NT5DC3: variants seen among roughly 807,000 people sequenced by gnomAD.
The protein encoded by NT5DC3 is 5'-nucleotidase domain-containing protein 3.
In NT5DC3, 42 loss-of-function variants were observed where a neutral mutation model predicts 67.8. The observed-to-expected ratio is 0.62, with a 90% CI of 0.48 to 0.80. NT5DC3 has a LOEUF of 0.80. NT5DC3 is among the 30% of genes least tolerant of loss of function. NT5DC3 has a pLI of 0.00. For synonymous variants in NT5DC3, 237 were observed against 255.6 expected, an observed-to-expected ratio of 0.93 and a Z score of 0.69; for missense variants, 570 against 696.4, an observed-to-expected ratio of 0.82 and a Z score of 2.04.
At chr12:103,835,711 C>T (rs1255068813) in intron 1 of NT5DC3, among the ~76,000 whole-genome samples, 1 of 152,178 alleles carries the variant, frequency 6.6e-6, no homozygotes, top group Non-Finnish European at 1.5e-5. Context: ...AATCCCATAT[C>T]GCAATGGAGG....
intron 1 of NT5DC3, among the ~76,000 whole-genome samples, chr12:103,834,132 T>C (rs1479895279): frequency 6.6e-6 from 1 of 152,008 alleles, no homozygotes; most frequent in African/African-American, 2.4e-5. Context: ...TCTCCAGGCA[T>C]TGCCAAACAT....
At chr12:103,763,454 G>C in the NT5DC3 span, 1 of 1,597,034 alleles carries the variant, frequency 6.3e-7, no homozygotes, top group South Asian at 1.1e-5. Flanking sequence ...TCCTGCTTTG[G>C]GGATGCTCCT....
At chr12:103,755,456 A>G in the NT5DC3 span, 4 of 1,613,864 alleles carry the variant, frequency 2.5e-6, no homozygotes, top group East Asian at 4.5e-5. Flanking sequence ...GTCTTCTGCT[A>G]TCGGATGAAA....
At chr12:103,834,774 C>T (rs1343185657) in intron 1 of NT5DC3, among the ~76,000 whole-genome samples, 1 of 152,052 alleles carries the variant, frequency 6.6e-6, no homozygotes, top group Non-Finnish European at 1.5e-5. Flanking sequence ...GCATCCTTTC[C>T]CTGTGCAGGC....
intron 9 of NT5DC3, among the ~76,000 whole-genome samples, chr12:103,789,816 C>T (rs1462289057): frequency 6.6e-6 from 1 of 152,020 alleles, no homozygotes; most frequent in Non-Finnish European, 1.5e-5. Flanking sequence ...ATAAGTGTCA[C>T]CCTAAAAAAA....
chr12:103,785,578 T>C lies in NT5DC3; in HGVS notation c.1189-103A>G, dbSNP rs958724903. 5 of 1,158,858 alleles carry C rather than the reference T, an allele frequency of 4.3e-6. No individual in the cohort carries two copies. In the African/African-American group the frequency reaches 7.6e-5, roughly 18 times the overall value. 71.8% of individuals were successfully genotyped at this position (1,158,858 alleles called of 1,614,324 possible). A position where few individuals can be genotyped will look rare whatever the true frequency, so the allele number is the denominator to read the frequency against. ...AGGCATTCATTTAATTACTTTTTGA[T>C]GGTAATGGTTAGTTATTCACCAAGC... On this transcript the variant is annotated intron_variant, in intron 11 of 13. Coordinates refer to ENST00000392876, the MANE Select transcript of NT5DC3 (RefSeq NM_001031701.3).
intron 4 of NT5DC3, among the ~76,000 whole-genome samples, chr12:103,800,153 A>G (rs142264913): frequency 6.6e-6 from 1 of 152,352 alleles, no homozygotes; most frequent in East Asian, 1.9e-4. Context: ...TTATGTTTTG[A>G]TATGTAACGT....
At chr12:103,831,563 CA>C (rs1438698004) in intron 1 of NT5DC3, among the ~76,000 whole-genome samples, 1 of 151,920 alleles carries the variant, frequency 6.6e-6, no homozygotes, top group Non-Finnish European at 1.5e-5. Flanking sequence ...GAGCAAAGAC[CA>C]AAAGAGAGAA....
At chr12:103,757,822 C>A in the NT5DC3 span, 1 of 263,090 alleles carries the variant, frequency 3.8e-6, no homozygotes, top group Non-Finnish European at 7.6e-6. Context: ...CTTTGGGCCT[C>A]GTGAGCTGTT....
chr12:103,753,458 G>A, the NT5DC3 span: 1 of 1,495,724 alleles, frequency 6.7e-7, no homozygotes, highest in East Asian at 2.3e-5. Context: ...TCAAGCAAGG[G>A]AGTGCAGGTA....
intron 11 of NT5DC3, among the ~76,000 whole-genome samples, chr12:103,786,030 T>A (rs1885756964): frequency 6.6e-6 from 1 of 152,102 alleles, no homozygotes; most frequent in South Asian, 2.1e-4. Flanking sequence ...CATATAGTCA[T>A]CATACTAAAT....
intron 1 of NT5DC3, among the ~76,000 whole-genome samples, chr12:103,830,513 GT>G (rs1479655128): frequency 6.6e-6 from 1 of 152,088 alleles, no homozygotes. Flanking sequence ...TTAGACATAT[GT>G]TTGACCTCTC....
chr12:103,757,965 T>C, the NT5DC3 span: 1 of 684,156 alleles, frequency 1.5e-6, no homozygotes. Flanking sequence ...CGTGGCTGTG[T>C]CTTAAACCAT....
chr12:103,780,810 G>A (rs1410803424), intron 12 of NT5DC3, among the ~76,000 whole-genome samples: 3 of 152,010 alleles, frequency 2.0e-5, no homozygotes, highest in Admixed American at 2.0e-4. Flanking sequence ...GTGTACAAAC[G>A]TTATAGTTAA....
Position 103,793,267 on chromosome 12 carries a change from T to A in NT5DC3, c.918-2A>T, listed in dbSNP as rs1886147437. 1 of 1,605,356 alleles carries A rather than the reference T, an allele frequency of 6.2e-7. No individual in the cohort carries two copies. Among genetic ancestry groups the A allele is most frequent in the Non-Finnish European group, 8.5e-7 (1 of 1,173,758 alleles). On this transcript the variant is annotated splice_acceptor_variant, in intron 8 of 13. Coordinates refer to ENST00000392876, the MANE Select transcript of NT5DC3 (RefSeq NM_001031701.3). LOFTEE classifies it high-confidence loss of function. ...ACGATATAACTCATCCCTTTGTCCC[T>A]AGGGCAACAAGTCAGCCAGGTTAGT...
chr12:103,807,862 A>G (rs1157447802), intron 2 of NT5DC3, among the ~76,000 whole-genome samples: 1 of 152,176 alleles, frequency 6.6e-6, no homozygotes, highest in East Asian at 1.9e-4. Context: ...CCAATGTAAG[A>G]TGTGCCTTTC....
intron 4 of NT5DC3, among the ~76,000 whole-genome samples, chr12:103,800,890 A>G (rs1886543225): frequency 6.6e-6 from 1 of 152,222 alleles, no homozygotes; most frequent in South Asian, 2.1e-4. Flanking sequence ...CTTAAAGCAG[A>G]GAACTATAAA....
chr12:103,761,979 T>C, the NT5DC3 span, among the ~76,000 whole-genome samples: 1 of 151,948 alleles, frequency 6.6e-6, no homozygotes, highest in East Asian at 1.9e-4. Context: ...CAGACTGGGT[T>C]CAAAGCCCAC....
the NT5DC3 span, chr12:103,755,427 C>A: frequency 6.2e-6 from 10 of 1,614,132 alleles, no homozygotes; most frequent in Non-Finnish European, 8.5e-6. Context: ...CTAGACCCAA[C>A]AAGAGTGAAA....
Sources: allele counts gnomAD v4.1 joint callset (sites outside exome capture counted in the v4.1 genomes callset), GRCh38; gene constraint gnomAD v4.1.1; transcripts MANE v1.5; gene names NCBI Gene and HGNC (gene_info 2026-07-23, HGNC 2026-07-21).